The following SLC35F4 variants were observed in gnomAD, a reference collection of about 807,000 sequenced individuals.
SLC35F4 encodes solute carrier family 35 member F4, also known as chromosome 14 open reading frame 36.
In SLC35F4, 24 loss-of-function variants were observed where a neutral mutation model predicts 44.2. The observed-to-expected ratio is 0.54, with a 90% CI of 0.39 to 0.76. The LOEUF is 0.76. Among genes scored for constraint, SLC35F4 ranks in the 30% least tolerant of loss-of-function variants. The probability of loss-of-function intolerance (pLI) is 0.00; values close to 1 mark genes in which losing one functional copy is unlikely to be tolerated. For synonymous variants in SLC35F4, 238 were observed against 223.6 expected, an observed-to-expected ratio of 1.06 and a Z score of -0.57; for missense variants, 562 against 586.1, an observed-to-expected ratio of 0.96 and a Z score of 0.42.
chr14:57,851,786 G>A (rs894198332), intron 1 of SLC35F4, among the ~76,000 whole-genome samples: 4 of 152,102 alleles, frequency 2.6e-5, no homozygotes, highest in East Asian at 1.9e-4. Context: ...TAATTATAAC[G>A]CACCAGTGTT....
downstream of SLC35F4, among the ~76,000 whole-genome samples, chr14:57,973,425 C>T (rs1019028480): frequency 6.6e-6 from 1 of 152,188 alleles, no homozygotes; most frequent in Non-Finnish European, 1.5e-5. Context: ...ATTGGGTCTA[C>T]ACACCTTACC....
intron 1 of SLC35F4, among the ~76,000 whole-genome samples, chr14:57,904,954 T>C (rs1349942591): frequency 6.6e-6 from 1 of 152,238 alleles, no homozygotes; most frequent in Non-Finnish European, 1.5e-5. Flanking sequence ...TGACTTTTGT[T>C]TTATTCATCT....
intron 1 of SLC35F4, among the ~76,000 whole-genome samples, chr14:57,756,842 T>G (rs1240653609): frequency 6.6e-6 from 1 of 151,724 alleles, no homozygotes; most frequent in Non-Finnish European, 1.5e-5. Flanking sequence ...TTTAATTTTT[T>G]GTAGAGACAG....
At chr14:57,661,189 T>A (rs1317745325) in intron 1 of SLC35F4, among the ~76,000 whole-genome samples, 2 of 152,170 alleles carry the variant, frequency 1.3e-5, no homozygotes, top group Non-Finnish European at 2.9e-5. Context: ...GGTAACGCAA[T>A]CAGTGTCATA....
At chr14:57,624,228 C>T (rs2072350928) in intron 1 of SLC35F4, among the ~76,000 whole-genome samples, 1 of 152,176 alleles carries the variant, frequency 6.6e-6, no homozygotes. Flanking sequence ...TGGACACATA[C>T]ACCCTCTCAA....
At chr14:57,891,630 C>T (rs761815493) in intron 1 of SLC35F4, among the ~76,000 whole-genome samples, 2 of 152,138 alleles carry the variant, frequency 1.3e-5, no homozygotes, top group Non-Finnish European at 2.9e-5. Context: ...GTAATCCCAG[C>T]ACTTTGGGAG....
downstream of SLC35F4, among the ~76,000 whole-genome samples, chr14:57,975,567 G>A (rs1042382857): frequency 5.9e-5 from 9 of 152,162 alleles, no homozygotes; most frequent in African/African-American, 2.2e-4. Context: ...GCACTGCTTT[G>A]GCAGAGTGTT....
chr14:57,951,243 T>C (rs1459684433), intron 1 of SLC35F4, among the ~76,000 whole-genome samples: 1 of 151,984 alleles, frequency 6.6e-6, no homozygotes, highest in Non-Finnish European at 1.5e-5. Context: ...TGAGGAATGG[T>C]TCATTACAGC....
intron 1 of SLC35F4, among the ~76,000 whole-genome samples, chr14:57,891,189 A>T (rs1888756106): frequency 6.6e-6 from 1 of 152,220 alleles, no homozygotes; most frequent in Non-Finnish European, 1.5e-5. Context: ...TTTAAAACTT[A>T]CTGGATCTAA....
intron 1 of SLC35F4, among the ~76,000 whole-genome samples, chr14:57,913,563 A>G (rs1889258353): frequency 6.6e-6 from 1 of 152,174 alleles, no homozygotes; most frequent in South Asian, 2.1e-4. Flanking sequence ...GGTGTAATCT[A>G]TCGCAGCATA....
chr14:57,843,120 G>T lies in SLC35F4; in HGVS notation c.103+22603C>A, dbSNP rs72624725. On this transcript the variant is annotated intron_variant, in intron 1 of 7. Transcript: ENST00000556826. ...CGGCTTCCCTACTTTTGAGGTTTGG[G>T]GACTCAGTCTGGCTTCCTTGCTCCT... Among the ~76,000 whole-genome samples, 2,275 of 152,198 alleles carry T rather than the reference G, an allele frequency of 0.015. 298 individuals carry two copies. In the East Asian group the frequency reaches 0.33, roughly 22 times the overall value.
intron 3 of SLC35F4, among the ~76,000 whole-genome samples, chr14:57,588,295 G>T (rs1239954611): frequency 6.6e-6 from 1 of 152,178 alleles, no homozygotes; most frequent in Non-Finnish European, 1.5e-5. Context: ...AATTTATTCT[G>T]CTGAGGAATA....
At chr14:57,883,012 GAGGAGGAGAGGAGGGGAGGGGAGA>G (rs1888569162) in intron 1 of SLC35F4, among the ~76,000 whole-genome samples, 1 of 151,582 alleles carries the variant, frequency 6.6e-6, no homozygotes, top group East Asian at 1.9e-4. Context: ...AGAGGAGGAG[GAGGAGGAGAGGAGGGGAGGGGAGA>G]AGGAGGAGAA....
At chr14:57,577,662 CCTTT>C (rs2068890073) in intron 4 of SLC35F4, among the ~76,000 whole-genome samples, 4 of 146,488 alleles carry the variant, frequency 2.7e-5, no homozygotes, top group African/African-American at 9.8e-5. Flanking sequence ...TTGGGAAGAA[CCTTT>C]TTTTAAAAAA....
At chr14:57,658,227 A>G (rs538943155) in intron 1 of SLC35F4, among the ~76,000 whole-genome samples, 1 of 152,340 alleles carries the variant, frequency 6.6e-6, no homozygotes, top group East Asian at 1.9e-4. Flanking sequence ...CTCTATAAAC[A>G]GAACATTGAT....
At chr14:57,812,403 G>C (rs1214295061) in intron 1 of SLC35F4, among the ~76,000 whole-genome samples, 3 of 152,152 alleles carry the variant, frequency 2.0e-5, no homozygotes, top group Non-Finnish European at 4.4e-5. Flanking sequence ...CACCAGCACT[G>C]TTCTTCTGGC....
intron 1 of SLC35F4, among the ~76,000 whole-genome samples, chr14:57,864,495 A>G (rs1229276721): frequency 2.0e-5 from 3 of 152,248 alleles, no homozygotes; most frequent in Non-Finnish European, 2.9e-5. Flanking sequence ...TCTGTGTGAG[A>G]ACAGCCCATG....
intron 1 of SLC35F4, among the ~76,000 whole-genome samples, chr14:57,667,541 G>C (rs1181320234): frequency 2.9e-5 from 4 of 136,356 alleles, no homozygotes; most frequent in African/African-American, 1.1e-4. Context: ...GTGTCCACAT[G>C]TTCTCAATGT....
chr14:57,958,219 G>A (rs1302210790), intron 1 of SLC35F4, among the ~76,000 whole-genome samples: 24 of 151,974 alleles, frequency 1.6e-4, no homozygotes, highest in African/African-American at 4.8e-4. Flanking sequence ...CACCACGCCC[G>A]GCTAATTATT....
Sources: gnomAD v4.1 joint callset for allele counts (sites outside exome capture counted in the v4.1 genomes callset) on GRCh38, gnomAD v4.1.1 for gene constraint, MANE v1.5 for transcripts, NCBI Gene and HGNC (gene_info 2026-07-23, HGNC 2026-07-21) for gene names.